KAT2B: variants seen among roughly 807,000 people sequenced by gnomAD.
KAT2B encodes the protein histone acetyltransferase KAT2B.
A neutral mutation model predicts 105.9 loss-of-function variants in KAT2B; 36 were observed. The ratio of observed to expected loss-of-function variants is 0.34; its 90% CI spans 0.26 to 0.45. The LOEUF (loss-of-function observed/expected upper bound fraction) is 0.45. KAT2B is among the 20% of genes least tolerant of loss of function. The pLI is 1.00. For missense variants in KAT2B, 820 were observed against 1,021.6 expected (o/e 0.80, Z 2.69); for synonymous variants, 397 against 377.9 (o/e 1.05, Z -0.59).
At chr3:20,134,830 C>T (rs1699573465) in intron 11 of KAT2B, among the ~76,000 whole-genome samples, 1 of 151,948 alleles carries the variant, frequency 6.6e-6, no homozygotes, top group African/African-American at 2.4e-5. Context: ...TTTGAGTAGC[C>T]ATATTTAAAA....
intron 2 of KAT2B, among the ~76,000 whole-genome samples, chr3:20,087,753 G>A (rs1224316779): frequency 6.6e-6 from 1 of 152,076 alleles, no homozygotes; most frequent in African/African-American, 2.4e-5. Context: ...AGATCATGCA[G>A]TATTTGTCTT....
At chr3:20,069,209 G>A (rs138608281) in intron 1 of KAT2B, among the ~76,000 whole-genome samples, 167 of 152,304 alleles carry the variant, frequency 1.1e-3, no homozygotes, top group Middle Eastern at 0.01. Context: ...GGGCTTATAG[G>A]CTATCTCAGC....
At chr3:20,053,330 G>T (rs1050143628) in intron 1 of KAT2B, among the ~76,000 whole-genome samples, 24 of 151,984 alleles carry the variant, frequency 1.6e-4, no homozygotes, top group African/African-American at 4.4e-4. Context: ...GAGCTCAAGG[G>T]TTTGAGACCA....
chr3:20,048,565 A>G (rs1002336019), intron 1 of KAT2B, among the ~76,000 whole-genome samples: 2 of 152,100 alleles, frequency 1.3e-5, no homozygotes, highest in African/African-American at 4.8e-5. Context: ...TGAAATATAA[A>G]CTTTCCTGTA....
chr3:20,111,454 G>A, intron 5 of KAT2B, 142 bp from the exon 6 acceptor site: 1 of 614,842 alleles, frequency 1.6e-6, no homozygotes, highest in Non-Finnish European at 2.8e-6. Context: ...AGTTTCACTA[G>A]CTGGCAGGGA....
chr3:20,144,276 C>CT (rs761735374), intron 13 of KAT2B, among the ~76,000 whole-genome samples: 1,976 of 89,348 alleles, frequency 0.022, 244 homozygotes, highest in Middle Eastern at 0.066. Flanking sequence ...CCTTGGGATT[C>CT]TTTTTTTTTT....
intron 1 of KAT2B, among the ~76,000 whole-genome samples, chr3:20,045,317 C>CTATTTATT (rs10538060): frequency 1.0e-4 from 14 of 137,988 alleles, no homozygotes; most frequent in African/African-American, 3.2e-4. Flanking sequence ...TGCACCTGGC[C>CTATTTATT]TATTTATTTA....
intron 1 of KAT2B, among the ~76,000 whole-genome samples, chr3:20,066,051 A>T (rs1408824030): frequency 6.6e-6 from 1 of 152,082 alleles, no homozygotes; most frequent in Non-Finnish European, 1.5e-5. Context: ...GAAGTCTGAG[A>T]TCAAGATGTC....
intron 11 of KAT2B, among the ~76,000 whole-genome samples, chr3:20,128,133 C>T (rs918307864): frequency 7.9e-5 from 12 of 152,146 alleles, no homozygotes; most frequent in Non-Finnish European, 1.2e-4. Context: ...GGCGAGGTAC[C>T]AGGATACTGT....
intron 5 of KAT2B, among the ~76,000 whole-genome samples, chr3:20,106,265 C>T (rs1254676151): frequency 6.6e-6 from 1 of 152,148 alleles, no homozygotes; most frequent in Non-Finnish European, 1.5e-5. Flanking sequence ...CAAAAATGAA[C>T]GAACTATCAT....
intron 11 of KAT2B, among the ~76,000 whole-genome samples, chr3:20,133,467 A>C (rs1030426415): frequency 6.6e-6 from 1 of 152,212 alleles, no homozygotes; most frequent in Non-Finnish European, 1.5e-5. Flanking sequence ...GAACATTTCC[A>C]TAATTGCAGG....
intron 3 of KAT2B, among the ~76,000 whole-genome samples, chr3:20,095,649 A>G (rs1698795684): frequency 6.6e-6 from 1 of 152,162 alleles, no homozygotes. Flanking sequence ...TGCATATGCA[A>G]ATAGATTTTT....
At chr3:20,050,800 G>A (rs1575104710) in intron 1 of KAT2B, among the ~76,000 whole-genome samples, 1 of 151,674 alleles carries the variant, frequency 6.6e-6, no homozygotes, top group Admixed American at 6.6e-5. Flanking sequence ...GCCTCCTGGG[G>A]TCATGCCATT....
chr3:20,144,276 CTTTTTTTTTTTTTTTT>C (rs761735374), intron 13 of KAT2B, among the ~76,000 whole-genome samples: 7 of 89,394 alleles, frequency 7.8e-5, no homozygotes, highest in South Asian at 3.2e-4. Context: ...CCTTGGGATT[CTTTTTTTTTTTTTTTT>C]TTTTTTTTTT....
intron 3 of KAT2B, among the ~76,000 whole-genome samples, chr3:20,096,949 AAGAG>A (rs3062235): frequency 0.16 from 24,758 of 150,050 alleles, 2,111 homozygotes; most frequent in East Asian, 0.21. Context: ...AATAATAGGA[AAGAG>A]AGAGAGAGAG....
intron 6 of KAT2B, 69 bp from the exon 7 acceptor site, chr3:20,114,813 C>CA: frequency 1.2e-6 from 1 of 802,324 alleles, no homozygotes; most frequent in East Asian, 2.5e-5. Context: ...GTGATTGTCA[C>CA]AGATAATTAG....
At chr3:20,132,914 C>T (rs753076237) in intron 11 of KAT2B, among the ~76,000 whole-genome samples, 4 of 152,276 alleles carry the variant, frequency 2.6e-5, no homozygotes, top group South Asian at 2.1e-4. Context: ...CATCGACATC[C>T]GTGTTAAAGT....
intron 9 of KAT2B, 73 bp from the exon 10 acceptor site, chr3:20,125,832 C>T: frequency 8.2e-7 from 1 of 1,215,022 alleles, no homozygotes; most frequent in Non-Finnish European, 1.2e-6. Flanking sequence ...AGATGAGAAG[C>T]TTGGATGTGT....
At chr3:20,150,666 G>T (rs1426507595) in intron 17 of KAT2B, among the ~76,000 whole-genome samples, 1 of 152,190 alleles carries the variant, frequency 6.6e-6, no homozygotes, top group Non-Finnish European at 1.5e-5. Flanking sequence ...AAGGCCAGAG[G>T]AAGAAGAATG....
Sources: gnomAD v4.1 joint callset for allele counts (sites outside exome capture counted in the v4.1 genomes callset) on GRCh38, gnomAD v4.1.1 for gene constraint, MANE v1.5 for transcripts, NCBI Gene and HGNC (gene_info 2026-07-23, HGNC 2026-07-21) for gene names.